Variants in PCLO observed in about 807,000 individuals in gnomAD.
PCLO encodes piccolo presynaptic cytomatrix protein, also known as protein piccolo.
A neutral mutation model predicts 427.5 loss-of-function variants in PCLO; 82 were observed. The observed-to-expected ratio is 0.19, with a 90% CI of 0.16 to 0.23. The LOEUF (loss-of-function observed/expected upper bound fraction) is 0.23. Ranked by LOEUF, PCLO falls within the 10% of genes least tolerant of loss-of-function variation. The pLI, the probability that PCLO is intolerant of heterozygous loss-of-function variation, is 1.00. For missense variants in PCLO, 6,239 were observed against 6,115.9 expected, an observed-to-expected ratio of 1.02 and a Z score of -0.67; for synonymous variants, 2,357 against 2,155.4, an observed-to-expected ratio of 1.09 and a Z score of -2.59.
At chr7:82,900,434 C>A (rs1459485032) in intron 9 of PCLO, among the ~76,000 whole-genome samples, 1 of 151,594 alleles carries the variant, frequency 6.6e-6, no homozygotes, top group Non-Finnish European at 1.5e-5. Flanking sequence ...TCTATTGATG[C>A]ACATTGTCCA....
chr7:82,866,006 C>T (rs1385180729), intron 10 of PCLO, among the ~76,000 whole-genome samples: 1 of 152,150 alleles, frequency 6.6e-6, no homozygotes, highest in Non-Finnish European at 1.5e-5. Context: ...CAAGATTTGA[C>T]CCCTGCTACT....
chr7:83,030,207 T>C (rs954573060), intron 3 of PCLO, among the ~76,000 whole-genome samples: 2 of 142,030 alleles, frequency 1.4e-5, no homozygotes, highest in African/African-American at 5.2e-5. Flanking sequence ...AAAACTCTAA[T>C]AAAATTTGAT....
chr7:83,162,538 C>A lies in PCLO; in HGVS notation c.55G>T (p.Ala19Ser), dbSNP rs762249391. ...GEGLPEGLAA[A>S]AAAGGGASGA... ...CTAGCTCCTCCTCCAGCCGCTGCGG[C>A]CGCCGCCAGCCCTTCGGGGAGCCCT... Residue 19 changes from alanine (A) to serine (S), a missense_variant, in exon 1 of 25, where the codon GCC becomes TCC. Transcript: ENST00000333891. 6.4e-7 allele frequency: 1 copy of A among 1,553,676 alleles called. No homozygotes were observed.
intron 3 of PCLO, among the ~76,000 whole-genome samples, chr7:83,096,952 AAAT>A (rs1453692497): frequency 5.1e-5 from 3 of 58,270 alleles, no homozygotes; most frequent in Non-Finnish European, 8.4e-5. Flanking sequence ...TATATTATAT[AAAT>A]AATATAATAT....
chr7:83,122,823 T>C (rs185897688), intron 3 of PCLO, among the ~76,000 whole-genome samples: 2 of 152,274 alleles, frequency 1.3e-5, no homozygotes, highest in African/African-American at 4.8e-5. Flanking sequence ...CAAAAACCAG[T>C]AGCATTTCTA....
At chr7:83,121,011 A>G (rs959597279) in intron 3 of PCLO, among the ~76,000 whole-genome samples, 2 of 152,140 alleles carry the variant, frequency 1.3e-5, no homozygotes, top group African/African-American at 4.8e-5. Context: ...TAACAAAAGT[A>G]ACTATAAAAA....
chr7:82,933,479 C>G (rs1375704935), intron 6 of PCLO, among the ~76,000 whole-genome samples: 1 of 151,860 alleles, frequency 6.6e-6, no homozygotes, highest in Non-Finnish European at 1.5e-5. Context: ...CTTCCTATTT[C>G]CTGAACAGTC....
chr7:83,123,079 T>C (rs930502399), intron 3 of PCLO, among the ~76,000 whole-genome samples: 1 of 152,080 alleles, frequency 6.6e-6, no homozygotes. Context: ...ACAGATACAA[T>C]GCAATCTCTA....
intron 3 of PCLO, among the ~76,000 whole-genome samples, chr7:83,115,508 T>A (rs10954709): frequency 6.6e-6 from 1 of 151,872 alleles, no homozygotes; most frequent in South Asian, 2.1e-4. Context: ...CTTATTATAG[T>A]ATTTTAAAGG....
At chr7:83,130,497 T>A (rs751834500) in intron 3 of PCLO, among the ~76,000 whole-genome samples, 41 of 152,228 alleles carry the variant, frequency 2.7e-4, no homozygotes, top group Non-Finnish European at 5.9e-4. Flanking sequence ...TGTAATTCTT[T>A]TGAAACTAAT....
chr7:82,953,723 GGGAGGAGGGGGAGGA>G lies in PCLO; in HGVS notation c.7215_7229del (p.Pro2422_Pro2426del). On this transcript the variant is annotated inframe_deletion, in exon 5 of 25. Transcript: ENST00000333891. ...GTGGAGGAGGAGGAGGAGGGGGAGG[GGGAGGAGGGGGAGGA>G]GGTTGAGCTGATATATCCAAAGAAG... The G allele has an allele frequency of 8.9e-7, 1 of 1,123,716 alleles. No homozygotes were observed. The allele number at this position is 1,123,716 out of a possible 1,614,324, so 69.6% of individuals were successfully genotyped here.
chr7:82,949,354 T>C, intron 6 of PCLO, 122 bp downstream of exon 6: 1 of 731,132 alleles, frequency 1.4e-6, no homozygotes, highest in South Asian at 1.8e-5. Context: ...AAGGCAATAA[T>C]CTTCACCCTA....
chr7:83,012,513 A>T (rs1450050997), intron 3 of PCLO, among the ~76,000 whole-genome samples: 1 of 150,182 alleles, frequency 6.7e-6, no homozygotes, highest in Non-Finnish European at 1.5e-5. Flanking sequence ...GCTACTCAGG[A>T]GGCTGAGGCA....
chr7:83,092,946 CAA>C (rs10684707), intron 3 of PCLO, among the ~76,000 whole-genome samples: 7 of 89,622 alleles, frequency 7.8e-5, no homozygotes, highest in Non-Finnish European at 6.6e-5. Flanking sequence ...GACTCTGTCT[CAA>C]AAAAAAAAAA....
chr7:82,841,237 T>C (rs1012045923), intron 14 of PCLO, among the ~76,000 whole-genome samples: 2 of 152,172 alleles, frequency 1.3e-5, no homozygotes, highest in African/African-American at 4.8e-5. Flanking sequence ...TGCTAAGATA[T>C]CAGGCAGATT....
chr7:82,878,304 C>T (rs1793422913), intron 10 of PCLO, among the ~76,000 whole-genome samples: 1 of 151,910 alleles, frequency 6.6e-6, no homozygotes, highest in Non-Finnish European at 1.5e-5. Flanking sequence ...TGGTAGGTTC[C>T]AATATATTTA....
At position 82,840,660 on chromosome 7, in the gene PCLO, C is replaced by T. The variant is rs1261526390; in HGVS notation, c.14097+799G>A. ...ATAATCTCCCTTTCTTTATGCTTAT[C>T]TTCAAATTAATTCGAGTTTCTGTTA... On this transcript the variant is annotated intron_variant, in intron 14 of 24. Coordinates refer to ENST00000333891, the MANE Select transcript of PCLO (RefSeq NM_033026.6). 2.0e-5 allele frequency among the ~76,000 whole-genome samples: 3 copies of T among 152,158 alleles called. No individual in the cohort carries two copies. The East Asian group carries it at 5.8e-4, about 29-fold the overall frequency.
chr7:82,796,320 A>G (rs1033494703), intron 22 of PCLO, among the ~76,000 whole-genome samples: 21 of 152,302 alleles, frequency 1.4e-4, no homozygotes, highest in African/African-American at 5.1e-4. Context: ...GGAAAATGTG[A>G]TAAGGTGATA....
intron 16 of PCLO, among the ~76,000 whole-genome samples, chr7:82,830,082 A>T (rs999219187): frequency 1.3e-5 from 2 of 151,902 alleles, no homozygotes; most frequent in African/African-American, 4.8e-5. Flanking sequence ...CTTGTAAATT[A>T]TGAATATTAA....
Sources: gnomAD v4.1 joint callset for allele counts (sites outside exome capture counted in the v4.1 genomes callset) on GRCh38, gnomAD v4.1.1 for gene constraint, MANE v1.5 for transcripts, NCBI Gene and HGNC (gene_info 2026-07-23, HGNC 2026-07-21) for gene names.